MAML3: variants seen among roughly 807,000 people sequenced by gnomAD.
The protein encoded by MAML3 is mastermind like transcriptional coactivator 3.
In MAML3, 27 loss-of-function variants were observed where a neutral mutation model predicts 101.9. The ratio of observed to expected loss-of-function variants is 0.27; its 90% confidence interval spans 0.20 to 0.37. The LOEUF (loss-of-function observed/expected upper bound fraction) is 0.37, where lower values mean the gene tolerates loss of function less well. Ranked by LOEUF, MAML3 falls within the 10% of genes least tolerant of loss-of-function variation. The pLI is 1.00. For missense variants in MAML3, 1,316 were observed against 1,444.9 expected (o/e 0.91, Z 1.45); for synonymous variants, 501 against 555.9 (o/e 0.90, Z 1.39).
At chr4:140,130,159 T>C (rs1303755222) in intron 1 of MAML3, among the ~76,000 whole-genome samples, 5 of 152,118 alleles carry the variant, frequency 3.3e-5, no homozygotes, top group Non-Finnish European at 7.4e-5. Flanking sequence ...ACCAAATAGG[T>C]ACTCTTTTTG....
chr4:139,836,247 G>A (rs1178124817), intron 2 of MAML3, among the ~76,000 whole-genome samples: 1 of 152,226 alleles, frequency 6.6e-6, no homozygotes, highest in African/African-American at 2.4e-5. Context: ...CCCCAAAGGT[G>A]TTATAGAGAC....
intron 2 of MAML3, among the ~76,000 whole-genome samples, chr4:139,762,636 G>A (rs1729780166): frequency 6.6e-6 from 1 of 152,122 alleles, no homozygotes. Flanking sequence ...TCCTCAATGG[G>A]AATACAAAAC....
chr4:139,935,363 A>G (rs1333389551), intron 1 of MAML3, among the ~76,000 whole-genome samples: 2 of 152,162 alleles, frequency 1.3e-5, no homozygotes, highest in Admixed American at 6.5e-5. Flanking sequence ...ATATTGAATT[A>G]TCTTTAAAGT....
chr4:140,053,489 C>A (rs1727303473), intron 1 of MAML3, among the ~76,000 whole-genome samples: 1 of 152,216 alleles, frequency 6.6e-6, no homozygotes, highest in South Asian at 2.1e-4. Context: ...GGCCATCGGG[C>A]TTTGAGATAC....
intron 2 of MAML3, among the ~76,000 whole-genome samples, chr4:139,739,870 G>C (rs1334573598): frequency 6.6e-6 from 1 of 152,016 alleles, no homozygotes; most frequent in Non-Finnish European, 1.5e-5. Flanking sequence ...TTAAAAGCTT[G>C]TTAAGAATAA....
chr4:139,862,877 T>C (rs925927355), intron 2 of MAML3, among the ~76,000 whole-genome samples: 2 of 152,192 alleles, frequency 1.3e-5, no homozygotes, highest in African/African-American at 4.8e-5. Flanking sequence ...TTATTAGCTA[T>C]GGGACCCTTC....
chr4:139,930,349 G>A (rs945989644), intron 1 of MAML3, among the ~76,000 whole-genome samples: 1 of 152,150 alleles, frequency 6.6e-6, no homozygotes, highest in African/African-American at 2.4e-5. Flanking sequence ...AGTTCACAAA[G>A]GTGCGGATGA....
intron 2 of MAML3, among the ~76,000 whole-genome samples, chr4:139,748,710 C>CT (rs1184767233): frequency 2.0e-5 from 3 of 151,954 alleles, no homozygotes; most frequent in African/African-American, 4.8e-5. Context: ...GGTAAAATTT[C>CT]TTTTTTTCTT....
chr4:140,085,370 G>A (rs181766713), intron 1 of MAML3, among the ~76,000 whole-genome samples: 4 of 152,138 alleles, frequency 2.6e-5, no homozygotes, highest in East Asian at 3.9e-4. Flanking sequence ...CCAGGGGACA[G>A]AGCGCAGGCC....
intron 2 of MAML3, among the ~76,000 whole-genome samples, chr4:139,875,365 C>A (rs1042693029): frequency 4.6e-5 from 7 of 152,178 alleles, no homozygotes; most frequent in African/African-American, 1.7e-4. Context: ...AGAACTGTGA[C>A]TGCTTTGCAG....
chr4:140,087,689 C>A (rs1727975359), intron 1 of MAML3, among the ~76,000 whole-genome samples: 1 of 152,084 alleles, frequency 6.6e-6, no homozygotes, highest in Non-Finnish European at 1.5e-5. Context: ...AATATATGTT[C>A]TTTCAGCTCC....
intron 2 of MAML3, 86 bp from the exon 3 acceptor site, chr4:139,730,753 G>T: frequency 8.0e-7 from 1 of 1,252,840 alleles, no homozygotes; most frequent in East Asian, 2.5e-5. Flanking sequence ...AAAAGGGAAC[G>T]GGGCAGAAGT....
At chr4:139,827,308 G>A (rs1731078023) in intron 2 of MAML3, among the ~76,000 whole-genome samples, 1 of 152,188 alleles carries the variant, frequency 6.6e-6, no homozygotes, top group African/African-American at 2.4e-5. Context: ...ATGTGTAATA[G>A]GAACAGTTCT....
intron 2 of MAML3, among the ~76,000 whole-genome samples, chr4:139,844,042 A>G (rs1225021467): frequency 2.0e-5 from 3 of 152,244 alleles, no homozygotes; most frequent in Admixed American, 6.5e-5. Context: ...TTAATAAATC[A>G]ATTGCTCTTC....
chr4:139,883,543 A>G (rs796961381), intron 2 of MAML3, among the ~76,000 whole-genome samples: 10 of 152,278 alleles, frequency 6.6e-5, no homozygotes, highest in African/African-American at 2.4e-4. Context: ...GAAGAGAAAG[A>G]GAGAGACTGT....
chr4:139,964,170 A>C (rs1481819968), intron 1 of MAML3, among the ~76,000 whole-genome samples: 1 of 152,256 alleles, frequency 6.6e-6, no homozygotes, highest in Non-Finnish European at 1.5e-5. Context: ...TTACAACAGC[A>C]AAGACATGGA....
At chr4:140,093,486 G>T (rs532948920) in intron 1 of MAML3, among the ~76,000 whole-genome samples, 7 of 146,972 alleles carry the variant, frequency 4.8e-5, no homozygotes, top group African/African-American at 1.8e-4. Context: ...GCACTATCTC[G>T]GCTCACTGCA....
chr4:140,108,888 T>G (rs1728395145), intron 1 of MAML3, among the ~76,000 whole-genome samples: 1 of 152,174 alleles, frequency 6.6e-6, no homozygotes, highest in African/African-American at 2.4e-5. Context: ...CTGCTGTGCC[T>G]GGCTCTCCAA....
At chr4:139,856,823 A>G (rs919265824) in intron 2 of MAML3, among the ~76,000 whole-genome samples, 1 of 152,204 alleles carries the variant, frequency 6.6e-6, no homozygotes, top group Non-Finnish European at 1.5e-5. Context: ...AACTCTTAGG[A>G]GACTACAACT....
Sources: allele counts gnomAD v4.1 joint callset (sites outside exome capture counted in the v4.1 genomes callset), GRCh38; gene constraint gnomAD v4.1.1; transcripts MANE v1.5; gene names NCBI Gene and HGNC (gene_info 2026-07-23, HGNC 2026-07-21).